The following HHAT variants were observed in gnomAD, a reference collection of about 807,000 sequenced individuals.
The protein encoded by HHAT is hedgehog acyltransferase.
HHAT carries 47 observed loss-of-function variants against 70.8 expected under a neutral mutation model. That is an observed-to-expected ratio of 0.66 (90% CI 0.53 to 0.85). The LOEUF (loss-of-function observed/expected upper bound fraction) is 0.85, where lower values mean the gene tolerates loss of function less well. HHAT is among the 40% of genes least tolerant of loss of function. The pLI is 0.00. For synonymous variants in HHAT, 228 were observed against 247.6 expected (o/e 0.92, Z 0.74); for missense variants, 609 against 604.8 (o/e 1.01, Z -0.07).
At chr1:210,561,858 CT>C (rs2148710206) in intron 9 of HHAT, among the ~76,000 whole-genome samples, 1 of 152,280 alleles carries the variant, frequency 6.6e-6, no homozygotes, top group South Asian at 2.1e-4. Context: ...TGAGGATACA[CT>C]CCCTGAAGGT....
At chr1:210,525,838 G>A (rs942684794) in intron 9 of HHAT, among the ~76,000 whole-genome samples, 1 of 152,200 alleles carries the variant, frequency 6.6e-6, no homozygotes, top group African/African-American at 2.4e-5. Context: ...AGTCAGCGAT[G>A]TTGCTTAGAA....
chr1:210,463,183 A>G (rs1045908215), intron 7 of HHAT, among the ~76,000 whole-genome samples: 2 of 151,022 alleles, frequency 1.3e-5, no homozygotes, highest in African/African-American at 2.4e-5. Flanking sequence ...GATAGCTCAC[A>G]TACCATAAAA....
chr1:210,404,622 T>C lies in HHAT; in HGVS notation c.627T>C (p.Phe209=). 6.2e-7 allele frequency: 1 copy of C among 1,614,122 alleles called. No homozygotes were observed. Among genetic ancestry groups the C allele is most frequent in the East Asian group, 2.2e-5 (1 of 44,880 alleles). Residue 209 remains phenylalanine (F), a synonymous_variant, in exon 6 of 12, where the codon TTT becomes TTC. Coordinates refer to ENST00000261458, the MANE Select transcript of HHAT (RefSeq NM_018194.6). ...TTCCCTGGATGCTGGCCTATGTCTT[T>C]TATTATCCAGTCTTACACAATGGGC... ...YSFPWMLAYV[F]YYPVLHNGPI...
intron 8 of HHAT, among the ~76,000 whole-genome samples, chr1:210,485,431 A>G (rs895751363): frequency 2.0e-5 from 3 of 151,856 alleles, no homozygotes; most frequent in Non-Finnish European, 4.4e-5. Flanking sequence ...GACCCATTTC[A>G]TCTCTTCCTT....
intron 9 of HHAT, among the ~76,000 whole-genome samples, chr1:210,539,972 G>A (rs2095411998): frequency 6.6e-6 from 1 of 152,174 alleles, no homozygotes; most frequent in African/African-American, 2.4e-5. Context: ...ATTGCTTGAA[G>A]TACACTAAAA....
chr1:210,429,445 G>A (rs1464081663), intron 7 of HHAT, among the ~76,000 whole-genome samples: 1 of 151,758 alleles, frequency 6.6e-6, no homozygotes, highest in Non-Finnish European at 1.5e-5. Flanking sequence ...TTTTTGAGGA[G>A]TCCAGACTTA....
At chr1:210,514,279 A>G (rs1163233950) in intron 9 of HHAT, among the ~76,000 whole-genome samples, 1 of 152,222 alleles carries the variant, frequency 6.6e-6, no homozygotes, top group Admixed American at 6.5e-5. Context: ...CTCAAGGAAT[A>G]AGGATGGTCC....
intron 2 of HHAT, among the ~76,000 whole-genome samples, chr1:210,361,405 A>C (rs1229149335): frequency 6.6e-6 from 1 of 152,202 alleles, no homozygotes; most frequent in African/African-American, 2.4e-5. Flanking sequence ...ACACACCTCC[A>C]TGGCACACCC....
rs879715633 is a variant in HHAT at position 210,374,772 on chromosome 1, T to C, written c.159+11853T>C. Among the ~76,000 whole-genome samples, 35 of 152,190 alleles carry C rather than the reference T, an allele frequency of 2.3e-4. No individual in the cohort carries two copies. In the South Asian group the frequency reaches 2.5e-3, roughly 11 times the overall value. On this transcript the variant is annotated intron_variant, in intron 3 of 11. Transcript: ENST00000261458. The stretch of plus-strand genomic sequence containing the variant: ...TTCCCCAGTGGGGAATCTTTTTTTT[T>C]TTTTTTTTAATCCCTTACTTTTAAT...
intron 6 of HHAT, among the ~76,000 whole-genome samples, chr1:210,414,362 A>C (rs747325523): frequency 1.3e-5 from 2 of 152,198 alleles, no homozygotes; most frequent in African/African-American, 2.4e-5. Context: ...CATGCAGACC[A>C]TAGCAGTGTG....
chr1:210,663,568 G>T (rs767657876), intron 11 of HHAT, among the ~76,000 whole-genome samples: 7 of 152,214 alleles, frequency 4.6e-5, no homozygotes, highest in Admixed American at 1.3e-4. Context: ...TTGTGAGAAT[G>T]AGGGATGTAC....
intron 7 of HHAT, among the ~76,000 whole-genome samples, chr1:210,431,420 A>G (rs986139549): frequency 1.3e-5 from 2 of 151,726 alleles, no homozygotes; most frequent in Admixed American, 1.3e-4. Context: ...CTTTATATAT[A>G]TATTTTTGGT....
intron 11 of HHAT, among the ~76,000 whole-genome samples, chr1:210,631,863 C>G (rs1670926341): frequency 6.6e-6 from 1 of 152,212 alleles, no homozygotes; most frequent in African/African-American, 2.4e-5. Context: ...TCAAATCTTT[C>G]AGTTAATATT....
At chr1:210,502,909 A>G (rs145410351) in intron 8 of HHAT, among the ~76,000 whole-genome samples, 86 of 152,040 alleles carry the variant, frequency 5.7e-4, no homozygotes, top group African/African-American at 1.9e-3. Context: ...CTTGCTGTCT[A>G]TATACTCAAG....
intron 6 of HHAT, among the ~76,000 whole-genome samples, chr1:210,410,455 T>TTG (rs1272618520): frequency 6.6e-6 from 1 of 151,852 alleles, no homozygotes; most frequent in South Asian, 2.1e-4. Flanking sequence ...TTGTTTTTTT[T>TTG]TTTTTAAGTA....
At chr1:210,372,977 A>G (rs1286303952) in intron 3 of HHAT, among the ~76,000 whole-genome samples, 1 of 152,152 alleles carries the variant, frequency 6.6e-6, no homozygotes, top group Admixed American at 6.5e-5. Context: ...TATTTCTAAC[A>G]TTCCTTATGC....
intron 3 of HHAT, among the ~76,000 whole-genome samples, chr1:210,382,566 C>G (rs922409976): frequency 6.6e-6 from 1 of 151,990 alleles, no homozygotes; most frequent in Non-Finnish European, 1.5e-5. Context: ...TTTTTCCCTC[C>G]AGAGAGAAAA....
At chr1:210,395,170 C>A (rs777945322) in intron 4 of HHAT, among the ~76,000 whole-genome samples, 1 of 152,078 alleles carries the variant, frequency 6.6e-6, no homozygotes, top group African/African-American at 2.4e-5. Context: ...TAGGCAGGGA[C>A]GTCTGATAAT....
chr1:210,391,535 G>A lies in HHAT; in HGVS notation c.273+3954G>A, dbSNP rs191847303. 3.5e-3 allele frequency among the ~76,000 whole-genome samples: 539 copies of A among 152,058 alleles called. 4 individuals are homozygous for A. The highest frequency in any genetic ancestry group is 0.012 in the African/African-American group (516 of 41,498). On this transcript the variant is annotated intron_variant, in intron 4 of 11. Transcript: ENST00000261458. The stretch of plus-strand genomic sequence containing the variant: ...GCAAACTGACAAAGGATTGGCATAT[G>A]GAATAAATTTCATAAAAAAGACAAA...
Sources: gnomAD v4.1 joint callset for allele counts (sites outside exome capture counted in the v4.1 genomes callset) on GRCh38, gnomAD v4.1.1 for gene constraint, MANE v1.5 for transcripts, NCBI Gene and HGNC (gene_info 2026-07-23, HGNC 2026-07-21) for gene names.